Variants in VTA1 observed in about 807,000 individuals in gnomAD.
The protein encoded by VTA1 is vesicle trafficking 1, also known as vacuolar protein sorting-associated protein VTA1 homolog.
VTA1 carries 24 observed loss-of-function variants against 36.9 expected under a neutral mutation model. The observed-to-expected ratio is 0.65, with a 90% CI of 0.47 to 0.91. The LOEUF is 0.91. Among genes scored for constraint, VTA1 ranks in the 40% least tolerant of loss-of-function variants. The pLI is 0.00. For synonymous variants in VTA1, 142 were observed against 130.2 expected (o/e 1.09, Z -0.62); for missense variants, 393 against 377.2 (o/e 1.04, Z -0.35).
chr6:142,181,516 ATAAAAAT>A (rs1285339953), intron 4 of VTA1, among the ~76,000 whole-genome samples: 1 of 150,252 alleles, frequency 6.7e-6, no homozygotes, highest in African/African-American at 2.4e-5. Context: ...AAATAAATTG[ATAAAAAT>A]TAAATAGTTG....
At chr6:142,161,249 T>A (rs1774802540) in intron 1 of VTA1, among the ~76,000 whole-genome samples, 1 of 152,182 alleles carries the variant, frequency 6.6e-6, no homozygotes, top group African/African-American at 2.4e-5. Flanking sequence ...AGGAATAGAA[T>A]AACATTCAGT....
At chr6:142,212,477 G>C (rs1035029442) in intron 7 of VTA1, among the ~76,000 whole-genome samples, 2 of 152,046 alleles carry the variant, frequency 1.3e-5, no homozygotes, top group Non-Finnish European at 2.9e-5. Context: ...AACTATAGAG[G>C]GGGTAGAAGA....
rs1282364667 is a variant in VTA1 at position 142,170,368 on chromosome 6, A to G, written c.358A>G (p.Thr120Ala). ...FHKNMIKSFYTASLLIDVITV... is the reference protein window; with the variant it reads ...FHKNMIKSFYAASLLIDVITV... ...CAGAAACATGATCAAGTCCTTCTAT[A>G]CTGCAAGTCTTTTGATAGATGTCAT... Residue 120 changes from threonine to alanine, a missense_variant, in exon 4 of 8, where the codon ACT (threonine) becomes GCT (alanine). By Grantham distance (58) the Thr-to-Ala change is moderately conservative. Coordinates refer to ENST00000367630, the MANE Select transcript of VTA1 (RefSeq NM_016485.5). 1 of 1,608,668 alleles carries G rather than the reference A, an allele frequency of 6.2e-7. No homozygotes were observed. The highest frequency in any genetic ancestry group is 1.3e-5 in the African/African-American group (1 of 74,756).
Position 142,205,275 on chromosome 6 carries a change from C to G in VTA1, c.778+1210C>G, listed in dbSNP as rs1454562296. On this transcript the variant is annotated intron_variant, in intron 7 of 7. Transcript: ENST00000367630. ...TCTTTAAATCTCTTGTCAATTTTCT[C>G]TTTTCACTTTTTTCATTCTTTCTCT... is the stretch of plus-strand genomic sequence containing the variant. Among the ~76,000 whole-genome samples the G allele has an allele frequency of 4.6e-5, 7 of 152,176 alleles. No individual in the cohort carries two copies. The East Asian group carries it at 1.3e-3, about 29-fold the overall frequency.
intron 5 of VTA1, 25 bp from the exon 6 acceptor site, chr6:142,198,414 A>G (rs1481299320): frequency 2.5e-6 from 4 of 1,603,336 alleles, no homozygotes; most frequent in Admixed American, 1.7e-5. Flanking sequence ...ACCTACTGTA[A>G]CATTGTGTAT....
intron 7 of VTA1, among the ~76,000 whole-genome samples, chr6:142,211,860 G>GC (rs1339956007): frequency 2.6e-5 from 4 of 152,020 alleles, no homozygotes; most frequent in Non-Finnish European, 5.9e-5. Flanking sequence ...TTAGCAAAAG[G>GC]CCTTTATAGG....
At chr6:142,195,848 T>C (rs1775535126) in intron 5 of VTA1, among the ~76,000 whole-genome samples, 1 of 152,102 alleles carries the variant, frequency 6.6e-6, no homozygotes, top group Admixed American at 6.6e-5. Flanking sequence ...TTTGTAGATA[T>C]CTTACTGATT....
chr6:142,161,223 G>C (rs1476778134), intron 1 of VTA1, among the ~76,000 whole-genome samples: 2 of 151,838 alleles, frequency 1.3e-5, no homozygotes, highest in Non-Finnish European at 2.9e-5. Flanking sequence ...ATATAGAAAA[G>C]ATCTGCAATA....
intron 4 of VTA1, among the ~76,000 whole-genome samples, chr6:142,176,519 G>A (rs1344339326): frequency 2.0e-5 from 3 of 151,540 alleles, no homozygotes; most frequent in African/African-American, 7.3e-5. Flanking sequence ...GAAAACTGAG[G>A]GTCAGAAAAA....
chr6:142,174,889 T>C (rs1775090367), intron 4 of VTA1, among the ~76,000 whole-genome samples: 1 of 152,152 alleles, frequency 6.6e-6, no homozygotes, highest in South Asian at 2.1e-4. Flanking sequence ...TTGCCTTCCA[T>C]CATGAGTAAG....
chr6:142,166,341 A>G lies in VTA1; in HGVS notation c.207+19A>G. The G allele has an allele frequency of 2.6e-6, 4 of 1,515,084 alleles. No individual in the cohort carries two copies. The highest frequency in any genetic ancestry group is 3.6e-6 in the Non-Finnish European group (4 of 1,100,772). 93.9% of individuals were successfully genotyped at this position (1,515,084 alleles called of 1,614,324 possible). On this transcript the variant is annotated intron_variant, in intron 2 of 7. Coordinates refer to ENST00000367630, the MANE Select transcript of VTA1 (RefSeq NM_016485.5). ...AGAAGCTGTAAGTTAACCACTGATC[A>G]TTTATTTTCTGGTTATGGTTAAAAT...
At chr6:142,201,148 G>A (rs1335912080) in intron 6 of VTA1, among the ~76,000 whole-genome samples, 3 of 151,738 alleles carry the variant, frequency 2.0e-5, no homozygotes, top group Admixed American at 2.0e-4. Context: ...ATTGGTTTGA[G>A]ATGTTGAAAT....
intron 4 of VTA1, among the ~76,000 whole-genome samples, chr6:142,180,084 C>T (rs1001572640): frequency 6.6e-6 from 1 of 152,174 alleles, no homozygotes; most frequent in Non-Finnish European, 1.5e-5. Flanking sequence ...TCTGTATACT[C>T]TGCTAGGAGC....
At chr6:142,194,141 G>A (rs957862828) in intron 5 of VTA1, among the ~76,000 whole-genome samples, 6 of 152,094 alleles carry the variant, frequency 3.9e-5, no homozygotes, top group Non-Finnish European at 8.8e-5. Flanking sequence ...CAAAAGAGAG[G>A]TACTGTGCCT....
At position 142,147,417 on chromosome 6, in the gene VTA1, G is replaced by A; in HGVS notation, c.112+18G>A. ...TTATTACTGTGAGTCTTTCCGAGTG[G>A]CCGCGCCCTTTCTTTCCCAGTTGCA... On this transcript the variant is annotated intron_variant, in intron 1 of 7. Transcript: ENST00000367630. The A allele has an allele frequency of 6.2e-7, 1 of 1,610,216 alleles. No individual in the cohort carries two copies. The highest frequency in any genetic ancestry group is 8.5e-7 in the Non-Finnish European group (1 of 1,177,898).
chr6:142,165,076 T>C (rs1023159468), intron 1 of VTA1, among the ~76,000 whole-genome samples: 3 of 152,258 alleles, frequency 2.0e-5, no homozygotes, highest in Non-Finnish European at 4.4e-5. Context: ...AAGATTATTT[T>C]ATTTTGATAG....
At chr6:142,192,702 TTGTGTGTG>T (rs35330800) in intron 5 of VTA1, among the ~76,000 whole-genome samples, 15 of 149,354 alleles carry the variant, frequency 1.0e-4, no homozygotes, top group African/African-American at 2.2e-4. Flanking sequence ...TTTTATATAT[TTGTGTGTG>T]TGTGTGTGTG....
chr6:142,147,497 C>A, intron 1 of VTA1, 98 bp downstream of exon 1: 1 of 1,278,918 alleles, frequency 7.8e-7, no homozygotes, highest in Non-Finnish European at 1.1e-6. Flanking sequence ...GCCCCCCTCG[C>A]TTTAAACCTG....
chr6:142,151,947 T>A (rs1778576131), intron 1 of VTA1, among the ~76,000 whole-genome samples: 1 of 152,154 alleles, frequency 6.6e-6, no homozygotes, highest in Admixed American at 6.6e-5. Flanking sequence ...GGCAGGAGAA[T>A]TGCTTGAACC....
Sources: gnomAD v4.1 joint callset for allele counts (sites outside exome capture counted in the v4.1 genomes callset) on GRCh38, gnomAD v4.1.1 for gene constraint, MANE v1.5 for transcripts, NCBI Gene and HGNC (gene_info 2026-07-23, HGNC 2026-07-21) for gene names.